LAMA2: variants seen among roughly 807,000 people sequenced by gnomAD.
LAMA2 encodes the protein laminin subunit alpha 2.
LAMA2 carries 269 observed loss-of-function variants against 364.8 expected under a neutral mutation model. That is an observed-to-expected ratio of 0.74 (90% CI 0.67 to 0.82). LAMA2 has a LOEUF of 0.82. Ranked by LOEUF, LAMA2 falls within the 40% of genes least tolerant of loss-of-function variation. The pLI, the probability that LAMA2 is intolerant of heterozygous loss-of-function variation, is 0.00. For synonymous variants in LAMA2, 1,379 were observed against 1,370.6 expected, an observed-to-expected ratio of 1.01 and a Z score of -0.14; for missense variants, 3,807 against 3,873.2, an observed-to-expected ratio of 0.98 and a Z score of 0.45.
intron 4 of LAMA2, among the ~76,000 whole-genome samples, chr6:129,132,847 T>C (rs1241965277): frequency 6.6e-6 from 1 of 152,226 alleles, no homozygotes; most frequent in African/African-American, 2.4e-5. Context: ...ATAGATATTA[T>C]TTTTATTTAC....
chr6:129,472,316 C>T (rs1390434098), intron 51 of LAMA2, among the ~76,000 whole-genome samples: 1 of 151,828 alleles, frequency 6.6e-6, no homozygotes, highest in African/African-American at 2.4e-5. Context: ...GTTTAGAGGC[C>T]AAATCTATCA....
intron 37 of LAMA2, among the ~76,000 whole-genome samples, chr6:129,399,462 G>C (rs966175829): frequency 6.6e-6 from 1 of 152,326 alleles, no homozygotes; most frequent in East Asian, 1.9e-4. Context: ...GCTGCACATT[G>C]AGTAGGGAGG....
chr6:129,009,484 A>C (rs1784637957), intron 1 of LAMA2, among the ~76,000 whole-genome samples: 1 of 152,212 alleles, frequency 6.6e-6, no homozygotes, highest in Admixed American at 6.5e-5. Context: ...ATGATCTTTC[A>C]AAAAATTAAG....
chr6:129,358,142 C>T (rs1438382350), intron 32 of LAMA2, among the ~76,000 whole-genome samples: 1 of 152,050 alleles, frequency 6.6e-6, no homozygotes, highest in Non-Finnish European at 1.5e-5. Context: ...ACCTTGTTTG[C>T]ACCTTCTACT....
intron 12 of LAMA2, among the ~76,000 whole-genome samples, chr6:129,205,476 A>G (rs1782566505): frequency 7.8e-6 from 1 of 128,216 alleles, no homozygotes; most frequent in African/African-American, 3.7e-5. Flanking sequence ...TTTATTCTGT[A>G]AGTATATATA....
In LAMA2 at chr6:129,402,325, A is replaced by G; in HGVS notation, c.5564A>G (p.Tyr1855Cys). Residue 1855 changes from tyrosine to cysteine, a missense_variant and splice_region_variant, in exon 39 of 65, where the codon TAT (tyrosine) becomes TGT (cysteine). Tyr to Cys is a radical substitution (Grantham distance 194). Coordinates refer to ENST00000421865, the MANE Select transcript of LAMA2 (RefSeq NM_000426.4). ...LADEINSIID[Y>C]VEDIQTKLPP... ...AATGCCCTCTTCTCTACATATCAGT[A>G]TGTTGAAGACATCCAAACTAAATTG... 6.2e-7 allele frequency: 1 copy of G among 1,613,014 alleles called. No homozygotes were observed. Among genetic ancestry groups the G allele is most frequent in the Non-Finnish European group, 8.5e-7 (1 of 1,179,116 alleles).
intron 40 of LAMA2, among the ~76,000 whole-genome samples, chr6:129,413,585 T>G (rs6933974): frequency 0.5 from 76,249 of 151,992 alleles, 19,618 homozygotes; most frequent in African/African-American, 0.62. Flanking sequence ...CTACATCCTC[T>G]TATCATAATG....
At chr6:129,342,205 A>C (rs1043528357) in intron 29 of LAMA2, 138 bp from the exon 30 acceptor site, 6 of 705,802 alleles carry the variant, frequency 8.5e-6, no homozygotes, top group Non-Finnish European at 1.5e-5. Flanking sequence ...GTCAGTGATA[A>C]AGTGTGTGTG....
intron 44 of LAMA2, 42 bp from the exon 45 acceptor site, chr6:129,445,625 G>A: frequency 5.2e-6 from 8 of 1,537,444 alleles, no homozygotes; most frequent in Non-Finnish European, 6.3e-6. Flanking sequence ...GTGTGCACGT[G>A]TGTGCATGCA....
chr6:129,194,599 G>T (rs529637580), intron 12 of LAMA2, among the ~76,000 whole-genome samples: 1 of 152,066 alleles, frequency 6.6e-6, no homozygotes, highest in African/African-American at 2.4e-5. Context: ...CTGTACTGCC[G>T]TTTCCATTCA....
At chr6:129,290,148 A>G (rs1310486944) in intron 19 of LAMA2, among the ~76,000 whole-genome samples, 3 of 152,192 alleles carry the variant, frequency 2.0e-5, no homozygotes, top group African/African-American at 4.8e-5. Context: ...TTAATTAATT[A>G]CCATCATATT....
intron 32 of LAMA2, among the ~76,000 whole-genome samples, chr6:129,358,821 TCA>T (rs915635224): frequency 6.6e-6 from 1 of 152,048 alleles, no homozygotes; most frequent in Non-Finnish European, 1.5e-5. Context: ...GTGCAACGCA[TCA>T]GTTTCTGATG....
intron 1 of LAMA2, among the ~76,000 whole-genome samples, chr6:128,988,371 T>A (rs777846139): frequency 1.1e-4 from 17 of 151,986 alleles, no homozygotes; most frequent in Non-Finnish European, 1.6e-4. Context: ...AAAAAAAAAA[T>A]TTGATTTCTC....
intron 1 of LAMA2, among the ~76,000 whole-genome samples, chr6:128,982,296 C>T (rs1396423218): frequency 6.6e-6 from 1 of 152,116 alleles, no homozygotes; most frequent in African/African-American, 2.4e-5. Context: ...AATTTCCTTC[C>T]CATTAAAAAT....
intron 12 of LAMA2, among the ~76,000 whole-genome samples, chr6:129,227,532 GTTT>G (rs1294264216): frequency 6.6e-6 from 1 of 152,148 alleles, no homozygotes; most frequent in Non-Finnish European, 1.5e-5. Context: ...CTATTTGTTA[GTTT>G]TCCTTCTTAC....
intron 34 of LAMA2, among the ~76,000 whole-genome samples, chr6:129,376,236 A>G (rs1196973233): frequency 6.6e-6 from 1 of 152,052 alleles, no homozygotes; most frequent in Non-Finnish European, 1.5e-5. Flanking sequence ...GAAACCTACA[A>G]ATTTTCTTTG....
intron 12 of LAMA2, among the ~76,000 whole-genome samples, chr6:129,213,844 A>G (rs9398898): frequency 0.22 from 32,938 of 152,108 alleles, 4,105 homozygotes; most frequent in East Asian, 0.49. Flanking sequence ...CACAGAGAAG[A>G]TGATTTTTAA....
At chr6:129,313,612 C>T (rs1487173446) in intron 23 of LAMA2, among the ~76,000 whole-genome samples, 1 of 152,124 alleles carries the variant, frequency 6.6e-6, no homozygotes, top group Non-Finnish European at 1.5e-5. Flanking sequence ...AATTTCAGCC[C>T]TCATTAATAT....
At chr6:129,510,428 G>T (rs2114922962) in intron 62 of LAMA2, among the ~76,000 whole-genome samples, 1 of 152,192 alleles carries the variant, frequency 6.6e-6, no homozygotes, top group Non-Finnish European at 1.5e-5. Flanking sequence ...AATGAAAACT[G>T]CATAATAATT....
Sources: allele counts gnomAD v4.1 joint callset (sites outside exome capture counted in the v4.1 genomes callset), GRCh38; gene constraint gnomAD v4.1.1; transcripts MANE v1.5; gene names NCBI Gene and HGNC (gene_info 2026-07-23, HGNC 2026-07-21).